DSC1: variants seen among roughly 807,000 people sequenced by gnomAD.
DSC1 encodes the protein desmocollin-1.
In DSC1, 79 loss-of-function variants were observed where a neutral mutation model predicts 98.8. That is an observed-to-expected ratio of 0.80 (90% CI 0.67 to 0.96). DSC1 has a LOEUF of 0.96. Ranked by LOEUF, DSC1 falls within the 50% of genes least tolerant of loss-of-function variation. The pLI is 0.00. For missense variants in DSC1, 1,115 were observed against 1,075.9 expected, an observed-to-expected ratio of 1.04 and a Z score of -0.51; for synonymous variants, 405 against 372.1, an observed-to-expected ratio of 1.09 and a Z score of -1.02.
chr18:31,150,208 CACCACCATCACCACCACT>C (rs1988940459), intron 5 of DSC1, among the ~76,000 whole-genome samples: 6 of 149,004 alleles, frequency 4.0e-5, no homozygotes, highest in African/African-American at 1.2e-4. Flanking sequence ...TCACCACCAC[CACCACCATCACCACCACT>C]ACCACCATCA....
intron 11 of DSC1, among the ~76,000 whole-genome samples, chr18:31,138,389 C>T (rs1276934342): frequency 6.6e-6 from 1 of 152,070 alleles, no homozygotes; most frequent in Non-Finnish European, 1.5e-5. Flanking sequence ...GGAAAGTTCT[C>T]ACATCATAGA....
At chr18:31,137,965 A>ATG (rs201493651) in intron 11 of DSC1, among the ~76,000 whole-genome samples, 17,936 of 141,406 alleles carry the variant, frequency 0.13, 1,050 homozygotes, top group Middle Eastern at 0.17. Flanking sequence ...TCAGAGCAAA[A>ATG]TGTGTGTGTG....
chr18:31,131,127 C>T (rs916963277), intron 15 of DSC1, among the ~76,000 whole-genome samples: 3 of 152,120 alleles, frequency 2.0e-5, no homozygotes, highest in African/African-American at 7.2e-5. Context: ...CAAACCTATA[C>T]TGATTAATCT....
chr18:31,131,248 A>T (rs1209746527), intron 15 of DSC1, among the ~76,000 whole-genome samples: 1 of 152,198 alleles, frequency 6.6e-6, no homozygotes. Context: ...AAGCACACTG[A>T]GAAATGTTTA....
chr18:31,149,201 C>T (rs1289307504), intron 5 of DSC1, among the ~76,000 whole-genome samples: 2 of 152,150 alleles, frequency 1.3e-5, no homozygotes, highest in African/African-American at 2.4e-5. Flanking sequence ...ATTTAATGTC[C>T]TTTGCCTTTA....
chr18:31,133,770 AC>A, intron 13 of DSC1, 120 bp downstream of exon 13: 3 of 1,000,336 alleles, frequency 3.0e-6, no homozygotes, highest in Non-Finnish European at 4.2e-6. Context: ...TAAAATAGAT[AC>A]AATATTTTTA....
intron 8 of DSC1, among the ~76,000 whole-genome samples, chr18:31,142,582 G>T (rs1195378298): frequency 1.3e-5 from 2 of 152,122 alleles, no homozygotes; most frequent in Non-Finnish European, 2.9e-5. Flanking sequence ...ATAAACGTAT[G>T]TTGGCTTCTT....
chr18:31,129,343 C>G lies in DSC1; in HGVS notation c.*1171G>C, dbSNP rs1160622729. 1 of 151,284 alleles carries G rather than the reference C, an allele frequency of 6.6e-6. No homozygotes were observed. The highest frequency in any genetic ancestry group is 6.6e-5 in the Admixed American group (1 of 15,128). 9.4% of individuals were successfully genotyped at this position (151,284 alleles called of 1,614,324 possible). ...CCGCCTCCTGGATTCAAGCGATTCT[C>G]CTGCCTCAGCCTCCTGAGTAGCTGG... is the stretch of plus-strand genomic sequence containing the variant. On this transcript the variant is annotated 3_prime_UTR_variant, in exon 16 of 16. Transcript: ENST00000257198.
intron 9 of DSC1, among the ~76,000 whole-genome samples, chr18:31,141,369 T>C (rs1005808663): frequency 2.0e-5 from 3 of 152,100 alleles, no homozygotes; most frequent in African/African-American, 7.2e-5. Context: ...TTAAACTGTC[T>C]CTAAGAAATT....
chr18:31,132,680 A>C lies in DSC1; in HGVS notation c.2126T>G (p.Phe709Cys), dbSNP rs1988521338. 1 of 1,612,118 alleles carries C rather than the reference A, an allele frequency of 6.2e-7. No individual in the cohort carries two copies. The highest frequency in any genetic ancestry group is 1.3e-5 in the African/African-American group (1 of 74,832). The change falls in exon 14 of 16, where the codon TTT (phenylalanine) becomes TGT (cysteine). Residue 709 changes from phenylalanine (F) to cysteine (C), a missense_variant. Phe to Cys is a radical substitution (Grantham distance 205). Transcript: ENST00000257198. Reference protein sequence around the residue: ...LGSVLLLCILFTCFCVTAKRT... With the variant: ...LGSVLLLCILCTCFCVTAKRT... Reference sequence around the variant, plus strand: ...CTTAGCAGTGACACAGAAACATGTAAACAGAATACCTAAAAAGCAAAAAAG... The same window carrying C: ...CTTAGCAGTGACACAGAAACATGTACACAGAATACCTAAAAAGCAAAAAAG...
intron 7 of DSC1, 131 bp downstream of exon 7, chr18:31,145,479 GA>G: frequency 2.2e-6 from 2 of 916,256 alleles, no homozygotes; most frequent in Non-Finnish European, 3.3e-6. Flanking sequence ...CATCTCCAGA[GA>G]AGCCCTAACC....
chr18:31,140,375 C>T, intron 9 of DSC1, 74 bp from the exon 10 acceptor site: 6 of 1,419,734 alleles, frequency 4.2e-6, no homozygotes, highest in South Asian at 2.9e-5. Context: ...AATTTTCCTA[C>T]AAAGGAATAT....
At chr18:31,130,952 A>AC in intron 15 of DSC1, 1 of 938,512 alleles carries the variant, frequency 1.1e-6, no homozygotes. Context: ...CGCATATATC[A>AC]CGCAACACAT....
Position 31,162,772 on chromosome 18 carries a change from G to C in DSC1, c.-178C>G. Reference sequence around the variant, plus strand: ...TGATAAACAGTAGGAGGAGCAACGGGAGAATTTCTTTCCCCCTATTCCCTG... The same window carrying C: ...TGATAAACAGTAGGAGGAGCAACGGCAGAATTTCTTTCCCCCTATTCCCTG... On this transcript the variant is annotated 5_prime_UTR_variant, in exon 1 of 16. Transcript: ENST00000257198. 1 of 587,234 alleles carries C rather than the reference G, an allele frequency of 1.7e-6. No homozygotes were observed. The highest frequency in any genetic ancestry group is 3.1e-6 in the Non-Finnish European group (1 of 326,688). The allele number at this position is 587,234 out of a possible 1,614,324, so 36.4% of individuals were successfully genotyped here.
intron 11 of DSC1, among the ~76,000 whole-genome samples, chr18:31,137,946 T>A (rs2144922771): frequency 6.7e-6 from 1 of 149,246 alleles, no homozygotes; most frequent in Admixed American, 6.8e-5. Flanking sequence ...CCAGGAATAA[T>A]CATGAGCATC....
At position 31,154,841 on chromosome 18, in the gene DSC1, A is replaced by G. The variant is rs781483453; in HGVS notation, c.560T>C (p.Ile187Thr). 2.4e-5 allele frequency: 38 copies of G among 1,614,072 alleles called. No individual in the cohort carries two copies. Among genetic ancestry groups the G allele is most frequent in the South Asian group, 9.9e-5 (9 of 91,068 alleles). ...AAAGATATCCCCAGTGTCTTTCTCT[A>G]TGTAAAACAAATTGAAGGGTTCTTT... The part of the protein sequence containing the change: ...VDKEPFNLFY[I>T]EKDTGDIFCT... The change falls in exon 5 of 16, where the codon ATA (isoleucine) becomes ACA (threonine). Residue 187 changes from isoleucine (I) to threonine (T), a missense_variant. Ile to Thr is a moderately conservative substitution (Grantham distance 89). Transcript: ENST00000257198.
intron 5 of DSC1, 126 bp downstream of exon 5, chr18:31,154,648 G>T (rs1598628819): frequency 1.1e-6 from 1 of 885,592 alleles, no homozygotes. Flanking sequence ...AGTTTATATT[G>T]CATATTAATA....
Position 31,130,081 on chromosome 18 carries a change from G to T in DSC1, c.*433C>A, listed in dbSNP as rs1014279655. ...CAGGTGGAGAGAATGCAATTATCTG[G>T]CACCAACTATGTTCTAAGAACATAA... On this transcript the variant is annotated 3_prime_UTR_variant, in exon 16 of 16. Transcript: ENST00000257198. 5 of 162,094 alleles carry T rather than the reference G, an allele frequency of 3.1e-5. No individual in the cohort carries two copies. The highest frequency in any genetic ancestry group is 2.9e-4 in the Admixed American group (5 of 17,048). 10.0% of individuals were successfully genotyped at this position (162,094 alleles called of 1,614,324 possible).
At chr18:31,143,869 G>T in intron 7 of DSC1, 78 bp from the exon 8 acceptor site, 2 of 1,087,452 alleles carry the variant, frequency 1.8e-6, no homozygotes, top group Non-Finnish European at 2.5e-6. Context: ...ACTTGTTTAG[G>T]CACGATTATT....
Sources: allele counts gnomAD v4.1 joint callset (sites outside exome capture counted in the v4.1 genomes callset), GRCh38; gene constraint gnomAD v4.1.1; transcripts MANE v1.5; gene names NCBI Gene and HGNC (gene_info 2026-07-23, HGNC 2026-07-21).